The following PKD1L1 variants were observed in gnomAD, a reference collection of about 807,000 sequenced individuals.
PKD1L1 encodes the protein polycystin 1 like 1, transient receptor potential channel interacting, also known as polycystin-1-like protein 1.
PKD1L1 carries 236 observed loss-of-function variants against 323.4 expected under a neutral mutation model. The observed-to-expected ratio is 0.73, with a 90% CI of 0.66 to 0.81. The LOEUF is 0.81. Ranked by LOEUF, PKD1L1 falls within the 40% of genes least tolerant of loss-of-function variation. The pLI is 0.00. For missense variants in PKD1L1, 3,320 were observed against 3,508.0 expected, an observed-to-expected ratio of 0.95 and a Z score of 1.35; for synonymous variants, 1,344 against 1,335.0, an observed-to-expected ratio of 1.01 and a Z score of -0.15.
chr7:47,873,569 C>T (rs545276750), intron 24 of PKD1L1, among the ~76,000 whole-genome samples: 3 of 149,304 alleles, frequency 2.0e-5, no homozygotes, highest in Admixed American at 1.4e-4. Flanking sequence ...ATCACTTGAA[C>T]CCGGGAGGTG....
At chr7:47,842,013 TTTTATTTCTTGC>T (rs1785572543) in intron 34 of PKD1L1, among the ~76,000 whole-genome samples, 1 of 152,210 alleles carries the variant, frequency 6.6e-6, no homozygotes, top group Admixed American at 6.5e-5. Context: ...TATATTCCTG[TTTTATTTCTTGC>T]TTTATTGTTT....
At chr7:47,929,114 A>C in intron 7 of PKD1L1, 90 bp downstream of exon 7, 1 of 1,308,442 alleles carries the variant, frequency 7.6e-7, no homozygotes, top group Non-Finnish European at 1.1e-6. Flanking sequence ...AACGGAATGC[A>C]GTTTCTTTTC....
rs554339559 is a variant in PKD1L1, at chr7:47,908,219, A to G, written c.1260T>C (p.Tyr420=). 6.8e-6 allele frequency: 11 copies of G among 1,614,250 alleles called. No individual in the cohort carries two copies. The East Asian group carries it at 2.0e-4, about 29-fold the overall frequency. Reference sequence around the variant, plus strand: ...CCACTTCGGTTCCATGAAACTCGTTATAAATAACAGCCTTGAGCATATAGA... The same window carrying G: ...CCACTTCGGTTCCATGAAACTCGTTGTAAATAACAGCCTTGAGCATATAGA... The part of the protein sequence containing the change: ...KGVYMLKAVI[Y]NEFHGTEVEL... Residue 420 remains tyrosine, a synonymous_variant, in exon 9 of 57, where the codon TAT becomes TAC. Transcript: ENST00000289672.
rs556255521 is a variant in PKD1L1 at position 47,784,981 on chromosome 7, C to G, written c.8526+7646G>C. On this transcript the variant is annotated intron_variant, in intron 56 of 56. Coordinates refer to ENST00000289672, the MANE Select transcript of PKD1L1 (RefSeq NM_138295.5). ...CAATAACCAGTTCACTAAATATTTA[C>G]TGAGTGCTGGTCTCTGTGGAAGCCA... Among the ~76,000 whole-genome samples the G allele has an allele frequency of 2.0e-5, 3 of 152,216 alleles. No homozygotes were observed. The South Asian group carries it at 6.2e-4, about 32-fold the overall frequency.
chr7:47,832,405 C>T (rs1484011562), intron 41 of PKD1L1, among the ~76,000 whole-genome samples: 1 of 152,238 alleles, frequency 6.6e-6, no homozygotes, highest in African/African-American at 2.4e-5. Flanking sequence ...AGCTTGTTCA[C>T]TCACAGAAAG....
chr7:47,786,822 C>G (rs534731944), intron 56 of PKD1L1, among the ~76,000 whole-genome samples: 1 of 152,164 alleles, frequency 6.6e-6, no homozygotes, highest in Non-Finnish European at 1.5e-5. Flanking sequence ...CAGCAGCCCC[C>G]GGCTGGGAGG....
intron 1 of PKD1L1, among the ~76,000 whole-genome samples, chr7:47,943,950 A>T (rs2128759314): frequency 6.6e-6 from 1 of 152,340 alleles, no homozygotes; most frequent in South Asian, 2.1e-4. Flanking sequence ...GGGATCTGGC[A>T]TGCTGCAGAA....
chr7:47,892,378 G>A (rs938742242), intron 15 of PKD1L1, among the ~76,000 whole-genome samples: 1 of 152,182 alleles, frequency 6.6e-6, no homozygotes, highest in Non-Finnish European at 1.5e-5. Flanking sequence ...GCTGCACAGT[G>A]AGCTGTGGAG....
intron 56 of PKD1L1, among the ~76,000 whole-genome samples, chr7:47,777,104 C>A (rs1562925581): frequency 6.6e-6 from 1 of 152,152 alleles, no homozygotes; most frequent in East Asian, 1.9e-4. Flanking sequence ...GTTGGCCAGG[C>A]CGGCCTGGAA....
Position 47,843,017 on chromosome 7 carries a change from A to G in PKD1L1, c.5390T>C (p.Leu1797Pro). Residue 1797 changes from leucine to proline, a missense_variant, in exon 34 of 57, where the codon CTA becomes CCA. Coordinates refer to ENST00000289672, the MANE Select transcript of PKD1L1 (RefSeq NM_138295.5). ...LQEASLPGHQ[L>P]YAVVIDTGFR... ...GCCAGTGTCAATGACGACCGCATAT[A>G]GCTGATGGCCCGGCAGGGAAGCTTC... is the stretch of plus-strand genomic sequence containing the variant. 1 of 1,613,994 alleles carries G rather than the reference A, an allele frequency of 6.2e-7. No homozygotes were observed. Among genetic ancestry groups the G allele is most frequent in the Non-Finnish European group, 8.5e-7 (1 of 1,179,910 alleles).
In PKD1L1 at chr7:47,775,074, G is replaced by T; in HGVS notation, c.*69C>A. ...TCTCACCTGCAAAACTAGGATGTCT[G>T]CTAAAATTGGCTGTTGGGTGGGTTA... On this transcript the variant is annotated 3_prime_UTR_variant, in exon 57 of 57. Transcript: ENST00000289672. 1.9e-6 allele frequency: 3 copies of T among 1,540,028 alleles called. No homozygotes were observed. The highest frequency in any genetic ancestry group is 2.7e-6 in the Non-Finnish European group (3 of 1,123,030).
At chr7:47,947,962 C>T (rs1357706912) in intron 1 of PKD1L1, among the ~76,000 whole-genome samples, 3 of 151,808 alleles carry the variant, frequency 2.0e-5, no homozygotes, top group Non-Finnish European at 4.4e-5. Flanking sequence ...AGAGAGACTC[C>T]GTCTCAAAAA....
Position 47,943,485 on chromosome 7 carries a change from G to C in PKD1L1, c.71C>G (p.Ser24Cys). Residue 24 changes from serine to cysteine, a missense_variant, in exon 2 of 57, where the codon TCC becomes TGC. Transcript: ENST00000289672. ...ERCLQAACCL[S>C]FGGELSVSTD... ...GCTCACAGACAGCTCACCACCAAAGGAAAGGCAGCAGGCAGCCTGGAGACA... is the reference window on the plus strand; with the variant it reads ...GCTCACAGACAGCTCACCACCAAAGCAAAGGCAGCAGGCAGCCTGGAGACA... 6.2e-7 allele frequency: 1 copy of C among 1,613,156 alleles called. No individual in the cohort carries two copies. The highest frequency in any genetic ancestry group is 2.2e-5 in the East Asian group (1 of 44,830).
At chr7:47,832,387 C>A (rs988951199) in intron 41 of PKD1L1, among the ~76,000 whole-genome samples, 3 of 152,216 alleles carry the variant, frequency 2.0e-5, no homozygotes, top group Admixed American at 1.3e-4. Flanking sequence ...GAAGGCTCAC[C>A]TGCCTGAAGC....
intron 31 of PKD1L1, 44 bp downstream of exon 31, chr7:47,853,083 A>G: frequency 7.5e-7 from 1 of 1,327,878 alleles, no homozygotes; most frequent in Non-Finnish European, 1.1e-6. Flanking sequence ...GGATGTTTTA[A>G]TCATGTAAAC....
intron 54 of PKD1L1, among the ~76,000 whole-genome samples, chr7:47,797,628 G>C (rs1254439755): frequency 6.6e-6 from 1 of 152,172 alleles, no homozygotes; most frequent in Non-Finnish European, 1.5e-5. Context: ...CGACATTCAA[G>C]GCCCTCCATT....
intron 6 of PKD1L1, among the ~76,000 whole-genome samples, chr7:47,929,822 G>A (rs548432815): frequency 3.8e-4 from 58 of 152,324 alleles, no homozygotes; most frequent in African/African-American, 1.3e-3. Context: ...AAATTTGGGA[G>A]TCACTGCTCT....
intron 31 of PKD1L1, among the ~76,000 whole-genome samples, chr7:47,850,529 G>C (rs1785757454): frequency 6.6e-6 from 1 of 151,132 alleles, no homozygotes; most frequent in Non-Finnish European, 1.5e-5. Flanking sequence ...CTACCCACAA[G>C]GCTGAGGCAG....
chr7:47,859,658 A>T (rs1472093513), intron 26 of PKD1L1, among the ~76,000 whole-genome samples: 1 of 133,670 alleles, frequency 7.5e-6, no homozygotes, highest in African/African-American at 2.8e-5. Context: ...ATGGAGTTTG[A>T]CTCTATCGCC....
Sources: allele counts gnomAD v4.1 joint callset (sites outside exome capture counted in the v4.1 genomes callset), GRCh38; gene constraint gnomAD v4.1.1; transcripts MANE v1.5; gene names NCBI Gene and HGNC (gene_info 2026-07-23, HGNC 2026-07-21).